The following PPARGC1A variants were observed in gnomAD, a reference collection of about 807,000 sequenced individuals.
PPARGC1A encodes peroxisome proliferator-activated receptor gamma coactivator 1-alpha.
PPARGC1A carries 25 observed loss-of-function variants against 88.7 expected under a neutral mutation model. The observed-to-expected ratio is 0.28, with a 90% CI of 0.21 to 0.39. The LOEUF is 0.39. Among genes scored for constraint, PPARGC1A ranks in the 10% least tolerant of loss-of-function variants. PPARGC1A has a pLI of 1.00. For missense variants in PPARGC1A, 880 were observed against 968.7 expected, an observed-to-expected ratio of 0.91 and a Z score of 1.22; for synonymous variants, 363 against 355.6, an observed-to-expected ratio of 1.02 and a Z score of -0.24.
At chr4:24,400,616 C>T in the PPARGC1A span, among the ~76,000 whole-genome samples, 1 of 152,344 alleles carries the variant, frequency 6.6e-6, no homozygotes, top group African/African-American at 2.4e-5. Flanking sequence ...CTCCCCTTCC[C>T]TGTGTTGTAA....
chr4:24,068,381 G>C, the PPARGC1A span, among the ~76,000 whole-genome samples: 4 of 152,100 alleles, frequency 2.6e-5, no homozygotes, highest in Admixed American at 1.3e-4. Flanking sequence ...TTTACTCATG[G>C]GCTCACTTTT....
intron 2 of PPARGC1A, 144 bp downstream of exon 2, chr4:23,884,608 T>C (rs1716545186): frequency 1.1e-5 from 7 of 628,558 alleles, no homozygotes; most frequent in African/African-American, 1.9e-5. Context: ...TGTTTTTCCA[T>C]AAATTAGAAA....
chr4:23,960,479 T>C, the PPARGC1A span, among the ~76,000 whole-genome samples: 1 of 152,126 alleles, frequency 6.6e-6, no homozygotes, highest in African/African-American at 2.4e-5. Flanking sequence ...GCCAAAACAA[T>C]GAGCTGCTCA....
chr4:23,897,066 G>A (rs1463835238), intron 1 of PPARGC1A, among the ~76,000 whole-genome samples: 2 of 152,142 alleles, frequency 1.3e-5, no homozygotes, highest in African/African-American at 2.4e-5. Context: ...TCACAAGAGG[G>A]GATAACTCAC....
the PPARGC1A span, among the ~76,000 whole-genome samples, chr4:24,344,365 G>A: frequency 0.015 from 2,332 of 152,072 alleles, 63 homozygotes; most frequent in African/African-American, 0.053. Flanking sequence ...CATTCCCACC[G>A]GAAGTGTAGA....
the PPARGC1A span, among the ~76,000 whole-genome samples, chr4:24,134,717 A>T: frequency 6.6e-6 from 1 of 152,346 alleles, no homozygotes; most frequent in Non-Finnish European, 1.5e-5. Flanking sequence ...CTTGCAATGA[A>T]TATAATTTTG....
the PPARGC1A span, among the ~76,000 whole-genome samples, chr4:24,437,195 G>T: frequency 1.3e-5 from 2 of 152,222 alleles, no homozygotes; most frequent in East Asian, 1.9e-4. Context: ...ATGAAGGACT[G>T]CTTCATGGCA....
chr4:24,428,970 A>G, the PPARGC1A span, among the ~76,000 whole-genome samples: 2 of 152,220 alleles, frequency 1.3e-5, no homozygotes, highest in African/African-American at 4.8e-5. Flanking sequence ...GAGAGACCCA[A>G]CAAAAGGTCA....
intron 1 of PPARGC1A, among the ~76,000 whole-genome samples, chr4:23,886,991 A>G (rs1047455484): frequency 6.6e-6 from 1 of 152,178 alleles, no homozygotes; most frequent in Non-Finnish European, 1.5e-5. Context: ...TTGGAATGCT[A>G]AAGTAGCATA....
intron 2 of PPARGC1A, among the ~76,000 whole-genome samples, chr4:23,849,548 CAG>C (rs1475799173): frequency 2.0e-5 from 3 of 151,932 alleles, no homozygotes; most frequent in Admixed American, 6.6e-5. Context: ...CAAATATAAA[CAG>C]GGGATACAGA....
chr4:24,133,191 G>A, the PPARGC1A span, among the ~76,000 whole-genome samples: 5 of 152,120 alleles, frequency 3.3e-5, no homozygotes, highest in East Asian at 1.9e-4. Context: ...CCCCCCTGGG[G>A]GGTGGTGGTG....
chr4:23,985,248 C>T, the PPARGC1A span, among the ~76,000 whole-genome samples: 62 of 152,138 alleles, frequency 4.1e-4, no homozygotes, highest in East Asian at 8.7e-3. Flanking sequence ...ATGACACAGA[C>T]GACTGGGTGA....
At chr4:24,143,642 TGATA>T in the PPARGC1A span, among the ~76,000 whole-genome samples, 4,007 of 152,308 alleles carry the variant, frequency 0.026, 170 homozygotes, top group African/African-American at 0.091. Context: ...AGATGATAGA[TGATA>T]GATAGACAAA....
At chr4:24,061,526 A>G in the PPARGC1A span, among the ~76,000 whole-genome samples, 1 of 151,746 alleles carries the variant, frequency 6.6e-6, no homozygotes, top group East Asian at 1.9e-4. Context: ...TCTCAATGCA[A>G]TATCTGTGGA....
chr4:24,378,318 C>T, the PPARGC1A span, among the ~76,000 whole-genome samples: 32 of 152,030 alleles, frequency 2.1e-4, no homozygotes, highest in Non-Finnish European at 1.8e-4. Context: ...GCCTGGGCAG[C>T]AGAGTTAGAA....
At chr4:24,459,099 G>T in the PPARGC1A span, among the ~76,000 whole-genome samples, 1 of 152,010 alleles carries the variant, frequency 6.6e-6, no homozygotes, top group East Asian at 1.9e-4. Context: ...AGTTTCCTGG[G>T]TATATTACTT....
chr4:24,177,616 T>A, the PPARGC1A span, among the ~76,000 whole-genome samples: 1 of 83,040 alleles, frequency 1.2e-5, no homozygotes, highest in East Asian at 3.3e-4. Context: ...ACTTCAAGTA[T>A]AATTAAATAA....
At chr4:23,818,662 C>T (rs1203720870) in intron 7 of PPARGC1A, among the ~76,000 whole-genome samples, 2 of 151,742 alleles carry the variant, frequency 1.3e-5, no homozygotes, top group African/African-American at 4.8e-5. Flanking sequence ...TCTTTTTAAA[C>T]AGCCCTTTTA....
chr4:24,067,220 A>G, the PPARGC1A span, among the ~76,000 whole-genome samples: 1 of 152,156 alleles, frequency 6.6e-6, no homozygotes, highest in Non-Finnish European at 1.5e-5. Context: ...TATAATACAT[A>G]TTATTAATAT....
Sources: allele counts gnomAD v4.1 joint callset (sites outside exome capture counted in the v4.1 genomes callset), GRCh38; gene constraint gnomAD v4.1.1; transcripts MANE v1.5; gene names NCBI Gene and HGNC (gene_info 2026-07-23, HGNC 2026-07-21).